The following NDUFS1 variants were observed in gnomAD, a reference collection of about 807,000 sequenced individuals.
NDUFS1 encodes the protein NADH-ubiquinone oxidoreductase 75 kDa subunit, mitochondrial.
NDUFS1 carries 61 observed loss-of-function variants against 84.4 expected under a neutral mutation model. The ratio of observed to expected loss-of-function variants is 0.72; its 90% CI spans 0.59 to 0.89. The LOEUF (loss-of-function observed/expected upper bound fraction) is 0.89, where lower values mean the gene tolerates loss of function less well. NDUFS1 is among the 40% of genes least tolerant of loss of function. The pLI, the probability that NDUFS1 is intolerant of heterozygous loss-of-function variation, is 0.00. For missense variants in NDUFS1, 891 were observed against 890.0 expected (o/e 1.00, Z -0.01); for synonymous variants, 275 against 290.0 (o/e 0.95, Z 0.53).
At chr2:206,128,110 GAAGT>G in intron 15 of NDUFS1, 138 bp from the exon 16 acceptor site, 1 of 899,990 alleles carries the variant, frequency 1.1e-6, no homozygotes, top group South Asian at 1.5e-5. Flanking sequence ...AAACAGTAGT[GAAGT>G]AATAAAAATT....
intron 13 of NDUFS1, among the ~76,000 whole-genome samples, chr2:206,136,100 G>C (rs932089251): frequency 3.3e-5 from 5 of 151,472 alleles, no homozygotes; most frequent in Non-Finnish European, 7.4e-5. Flanking sequence ...ACCCAGGCTG[G>C]AGTCCAATGG....
intron 13 of NDUFS1, among the ~76,000 whole-genome samples, chr2:206,136,019 G>A (rs182449588): frequency 6.6e-6 from 1 of 151,620 alleles, no homozygotes; most frequent in East Asian, 1.9e-4. Flanking sequence ...GATATGCTTG[G>A]ACAACTGCAT....
In NDUFS1 at chr2:206,133,125, A is replaced by C; in HGVS notation, c.1393-20T>G. 6.3e-7 allele frequency: 1 copy of C among 1,579,042 alleles called. No individual in the cohort carries two copies. The highest frequency in any genetic ancestry group is 8.6e-7 in the Non-Finnish European group (1 of 1,159,174). ...TAGGACCTATTTAAAAAAAAAAACA[A>C]CTTTGATTTTAAAATATTACAAGTA... is the stretch of plus-strand genomic sequence containing the variant. On this transcript the variant is annotated intron_variant, in intron 13 of 18. Coordinates refer to ENST00000233190, the MANE Select transcript of NDUFS1 (RefSeq NM_005006.7).
chr2:206,145,531 C>T (rs767236980), intron 8 of NDUFS1, among the ~76,000 whole-genome samples: 1 of 152,070 alleles, frequency 6.6e-6, no homozygotes, highest in African/African-American at 2.4e-5. Context: ...AAATCTGGGA[C>T]GATTCAACAA....
chr2:206,123,923 C>G lies in NDUFS1; in HGVS notation c.*262G>C. The G allele has an allele frequency of 2.7e-6, 1 of 369,944 alleles. No individual in the cohort carries two copies. Among genetic ancestry groups the G allele is most frequent in the South Asian group, 6.1e-5 (1 of 16,412 alleles). The allele number at this position is 369,944 out of a possible 1,614,324, so 22.9% of individuals were successfully genotyped here. A position where few individuals can be genotyped will look rare whatever the true frequency, so the allele number is the denominator to read the frequency against. On this transcript the variant is annotated 3_prime_UTR_variant, in exon 19 of 19. Transcript: ENST00000233190. The stretch of plus-strand genomic sequence containing the variant: ...CCAACAACTCATAATTTAAGGATCT[C>G]TTTATGTTCGTCACAAAGGTTATCA...
Position 206,124,226 on chromosome 2 carries a change from T to C in NDUFS1, c.2143A>G (p.Thr715Ala). The change falls in exon 19 of 19, where the codon ACA (threonine) becomes GCA (alanine). Residue 715 changes from threonine to alanine, a missense_variant. Thr to Ala is a moderately conservative substitution (Grantham distance 58, BLOSUM62 0). Coordinates refer to ENST00000233190, the MANE Select transcript of NDUFS1 (RefSeq NM_005006.7). ...QTMAKCVKAVTEGAQAVEEPS... is the reference protein window; with the variant it reads ...QTMAKCVKAVAEGAQAVEEPS... ...TCCTCTACTGCCTGGGCACCCTCTGTGACAGCTTTGACACATTTGGCCATT... is the reference window on the plus strand; with the variant it reads ...TCCTCTACTGCCTGGGCACCCTCTGCGACAGCTTTGACACATTTGGCCATT... 6.2e-7 allele frequency: 1 copy of C among 1,613,646 alleles called. No homozygotes were observed. Among genetic ancestry groups the C allele is most frequent in the Admixed American group, 1.7e-5 (1 of 60,014 alleles).
At chr2:206,126,435 T>C (rs1315109226) in intron 18 of NDUFS1, 104 bp downstream of exon 18, 1 of 1,039,914 alleles carries the variant, frequency 9.6e-7, no homozygotes, top group Non-Finnish European at 1.5e-6. Context: ...AGATTAAGAA[T>C]TGCAAACACT....
chr2:206,149,846 C>A lies in NDUFS1; in HGVS notation c.233G>T (p.Cys78Phe), dbSNP rs771661052. 2 of 1,610,288 alleles carry A rather than the reference C, an allele frequency of 1.2e-6. No individual in the cohort carries two copies. Among genetic ancestry groups the A allele is most frequent in the South Asian group, 2.2e-5 (2 of 91,022 alleles). The change falls in exon 4 of 19, where the codon TGC becomes TTC. Residue 78 changes from cysteine (C) to phenylalanine (F), a missense_variant. Transcript: ENST00000233190. ...RLSVAGNCRM[C>F]LVEIEKAPKV... ...AGGGGCTTTCTCAATTTCAACAAGG[C>A]ACATCCTGCAGTTTCCAGCAACAGA... is the stretch of plus-strand genomic sequence containing the variant.
chr2:206,137,411 A>G (rs1691760751), intron 13 of NDUFS1, among the ~76,000 whole-genome samples: 1 of 151,952 alleles, frequency 6.6e-6, no homozygotes, highest in Admixed American at 6.6e-5. Context: ...AGAGGTTGCA[A>G]TGAGCCAAGA....
At chr2:206,152,108 G>A (rs569891034) in intron 3 of NDUFS1, among the ~76,000 whole-genome samples, 7 of 152,228 alleles carry the variant, frequency 4.6e-5, no homozygotes, top group East Asian at 3.9e-4. Flanking sequence ...TGATCCGCCC[G>A]CCTCGGCCTC....
intron 7 of NDUFS1, 130 bp from the exon 8 acceptor site, chr2:206,147,218 T>C: frequency 1.1e-6 from 1 of 936,304 alleles, no homozygotes; most frequent in East Asian, 2.6e-5. Context: ...GTGAGCACAG[T>C]CCTAGAATAA....
At chr2:206,133,211 C>T in intron 13 of NDUFS1, 106 bp from the exon 14 acceptor site, 1 of 878,756 alleles carries the variant, frequency 1.1e-6, no homozygotes, top group South Asian at 1.7e-5. Context: ...TTAGGTGTAA[C>T]ATGAATGTCT....
chr2:206,130,274 T>A, intron 14 of NDUFS1, 32 bp from the exon 15 acceptor site: 1 of 1,612,176 alleles, frequency 6.2e-7, no homozygotes, highest in Non-Finnish European at 8.5e-7. Flanking sequence ...TTACCATAAC[T>A]GCAGTATTTT....
chr2:206,136,427 G>GTT (rs760484724), intron 13 of NDUFS1, among the ~76,000 whole-genome samples: 1 of 123,302 alleles, frequency 8.1e-6, no homozygotes, highest in Admixed American at 8.9e-5. Context: ...TTAGTTGTTG[G>GTT]TTTTTTTTTT....
intron 18 of NDUFS1, 148 bp from the exon 19 acceptor site, chr2:206,124,424 A>G (rs1575939695): frequency 4.5e-6 from 3 of 670,482 alleles, no homozygotes; most frequent in East Asian, 5.4e-5. Flanking sequence ...ACAGATTCCA[A>G]CGATAAACCC....
chr2:206,134,372 G>A (rs1691629127), intron 13 of NDUFS1, among the ~76,000 whole-genome samples: 2 of 152,086 alleles, frequency 1.3e-5, no homozygotes, highest in Admixed American at 6.6e-5. Flanking sequence ...AGTGGCTCAG[G>A]CCTGTAATCG....
intron 5 of NDUFS1, 42 bp from the exon 6 acceptor site, chr2:206,147,876 C>T (rs1313338891): frequency 6.6e-7 from 1 of 1,524,626 alleles, no homozygotes; most frequent in African/African-American, 1.4e-5. Context: ...CTCAAATACA[C>T]ACACACTGAC....
Position 206,133,092 on chromosome 2 carries a change from G to A in NDUFS1, c.1406C>T (p.Ala469Val), listed in dbSNP as rs1473906679. ...GCCTAAAACCACCATTGGTTTTTTA[G>A]CTTCCTTTAGGACCTATTTAAAAAA... ...SHPFSQVLKE[A>V]KKPMVVLGSS... Residue 469 changes from alanine (A) to valine (V), a missense_variant, in exon 14 of 19, where the codon GCT becomes GTT. Ala to Val is a moderately conservative substitution (Grantham distance 64). Transcript: ENST00000233190. 1 of 1,611,030 alleles carries A rather than the reference G, an allele frequency of 6.2e-7. No individual in the cohort carries two copies. Among genetic ancestry groups the A allele is most frequent in the East Asian group, 2.2e-5 (1 of 44,776 alleles).
intron 3 of NDUFS1, 124 bp from the exon 4 acceptor site, chr2:206,150,049 C>CTATCTATCTATCTATA: frequency 1.4e-6 from 1 of 725,376 alleles, no homozygotes; most frequent in Non-Finnish European, 2.4e-6. Flanking sequence ...ATCTATCTAT[C>CTATCTATCTATCTATA]TATCTTAATT....
Sources: allele counts gnomAD v4.1 joint callset (sites outside exome capture counted in the v4.1 genomes callset), GRCh38; gene constraint gnomAD v4.1.1; transcripts MANE v1.5; gene names NCBI Gene and HGNC (gene_info 2026-07-23, HGNC 2026-07-21).